Variants in ARRB1 observed in about 807,000 individuals in gnomAD.
ARRB1 encodes the protein arrestin beta 1.
Under a neutral mutation model 56.8 loss-of-function variants are expected in ARRB1, and 21 were observed. That is an observed-to-expected ratio of 0.37 (90% CI 0.26 to 0.53). The LOEUF (loss-of-function observed/expected upper bound fraction) is 0.53. Ranked by LOEUF, ARRB1 falls within the 20% of genes least tolerant of loss-of-function variation. The pLI is 0.88. For synonymous variants in ARRB1, 210 were observed against 218.6 expected, an observed-to-expected ratio of 0.96 and a Z score of 0.35; for missense variants, 424 against 553.7, an observed-to-expected ratio of 0.77 and a Z score of 2.35.
At chr11:75,337,031 T>C (rs1259331409) in intron 1 of ARRB1, among the ~76,000 whole-genome samples, 2 of 152,256 alleles carry the variant, frequency 1.3e-5, no homozygotes, top group Non-Finnish European at 2.9e-5. Context: ...GTAGCTCCAG[T>C]GTCTGGCATG....
intron 1 of ARRB1, among the ~76,000 whole-genome samples, chr11:75,298,404 A>G (rs1946814642): frequency 6.6e-6 from 1 of 152,208 alleles, no homozygotes. Flanking sequence ...TTGAATAGGC[A>G]TTTGTCCAAA....
intron 1 of ARRB1, among the ~76,000 whole-genome samples, chr11:75,347,575 G>A (rs952790239): frequency 6.6e-6 from 1 of 152,224 alleles, no homozygotes; most frequent in Non-Finnish European, 1.5e-5. Context: ...GGGAGCTGCT[G>A]GGGAGGCCAA....
chr11:75,329,936 G>A (rs1490413421), intron 1 of ARRB1, among the ~76,000 whole-genome samples: 1 of 151,918 alleles, frequency 6.6e-6, no homozygotes, highest in African/African-American at 2.4e-5. Context: ...GGAGTTCGAG[G>A]CTGCAGTGAG....
chr11:75,290,386 C>T (rs1946580059), intron 1 of ARRB1, among the ~76,000 whole-genome samples: 2 of 152,296 alleles, frequency 1.3e-5, no homozygotes, highest in Middle Eastern at 3.4e-3. Flanking sequence ...CCCGGTGTCA[C>T]CTCCTACTAC....
intron 3 of ARRB1, among the ~76,000 whole-genome samples, chr11:75,286,880 G>C (rs1484665566): frequency 1.3e-5 from 2 of 152,132 alleles, no homozygotes; most frequent in Admixed American, 6.5e-5. Flanking sequence ...GCAGAACAAA[G>C]AGTTTTGCAG....
At chr11:75,348,346 C>T (rs1003391506) in intron 1 of ARRB1, among the ~76,000 whole-genome samples, 1 of 152,142 alleles carries the variant, frequency 6.6e-6, no homozygotes, top group African/African-American at 2.4e-5. Context: ...CTTCCTGTAC[C>T]ATGCTCCCTG....
chr11:75,315,404 T>C (rs534298053), intron 1 of ARRB1, among the ~76,000 whole-genome samples: 1 of 152,184 alleles, frequency 6.6e-6, no homozygotes, highest in South Asian at 2.1e-4. Flanking sequence ...CTGCTTGCTC[T>C]AATCCCAGCA....
At chr11:75,323,638 A>C (rs999534367) in intron 1 of ARRB1, among the ~76,000 whole-genome samples, 1 of 152,124 alleles carries the variant, frequency 6.6e-6, no homozygotes, top group Non-Finnish European at 1.5e-5. Flanking sequence ...AAAAGAAAAA[A>C]ATAAGTGTAC....
intron 1 of ARRB1, chr11:75,312,155 C>T (rs1947176917): frequency 1.6e-6 from 2 of 1,288,956 alleles, no homozygotes; most frequent in African/African-American, 1.5e-5. Flanking sequence ...CCTTCCTCCA[C>T]CCTCGCCCTC....
intron 1 of ARRB1, chr11:75,311,936 G>A (rs1403374442): frequency 1.2e-6 from 1 of 854,516 alleles, no homozygotes; most frequent in Non-Finnish European, 1.6e-6. Context: ...TGGCTGAGAG[G>A]GGACGGCCGG....
chr11:75,269,968 CTTG>C (rs2140399433), intron 13 of ARRB1, among the ~76,000 whole-genome samples: 2 of 152,348 alleles, frequency 1.3e-5, no homozygotes, highest in South Asian at 4.1e-4. Flanking sequence ...TCCCACTGAT[CTTG>C]TTGTCCAGAG....
intron 2 of ARRB1, among the ~76,000 whole-genome samples, chr11:75,287,582 C>T (rs1946511516): frequency 6.6e-6 from 1 of 152,226 alleles, no homozygotes; most frequent in Non-Finnish European, 1.5e-5. Context: ...CCACTTCCTC[C>T]CAAAACCCTT....
chr11:75,303,976 C>G (rs1349052061), intron 1 of ARRB1, among the ~76,000 whole-genome samples: 2 of 152,096 alleles, frequency 1.3e-5, no homozygotes, highest in Non-Finnish European at 2.9e-5. Context: ...AAGAGCCAAG[C>G]CCTGAGCTTG....
In ARRB1 at chr11:75,260,196, A is replaced by G. The variant is rs1040765905; in HGVS notation, c.*5967T>C. 2 of 152,250 alleles carry G rather than the reference A, an allele frequency of 1.3e-5. No individual in the cohort carries two copies. Among genetic ancestry groups the G allele is most frequent in the African/African-American group, 4.8e-5 (2 of 41,456 alleles). The allele number at this position is 152,250 out of a possible 1,614,324, so 9.4% of individuals were successfully genotyped here. On this transcript the variant is annotated 3_prime_UTR_variant, in exon 16 of 16. Transcript: ENST00000420843. Reference sequence around the variant, plus strand: ...TTCATTTGTTAGAGTTGAATGAACTATAATAACTTGTCTGACATAATAAGA... The same window carrying G: ...TTCATTTGTTAGAGTTGAATGAACTGTAATAACTTGTCTGACATAATAAGA...
intron 1 of ARRB1, among the ~76,000 whole-genome samples, chr11:75,332,383 G>A (rs376214014): frequency 2.0e-5 from 3 of 152,072 alleles, no homozygotes; most frequent in African/African-American, 7.2e-5. Flanking sequence ...CTTTTTCTTC[G>A]AGGCCCTCCC....
At chr11:75,275,502 A>G (rs1444850636) in intron 10 of ARRB1, among the ~76,000 whole-genome samples, 1 of 152,204 alleles carries the variant, frequency 6.6e-6, no homozygotes, top group African/African-American at 2.4e-5. Context: ...AAATGAAGCT[A>G]TTTGGGCACC....
chr11:75,268,987 C>T lies in ARRB1; in HGVS notation c.1023-28G>A, dbSNP rs200534174. 59 of 1,602,556 alleles carry T rather than the reference C, an allele frequency of 3.7e-5. No homozygotes were observed. In the African/African-American group the frequency reaches 6.5e-4, roughly 18 times the overall value. ...GAAACAGAGACCCAGACCCAGTGAG[C>T]CTTGAGCGGACTCACAGGCTGTGAG... On this transcript the variant is annotated intron_variant, in intron 13 of 15. Transcript: ENST00000420843.
intron 1 of ARRB1, among the ~76,000 whole-genome samples, chr11:75,314,029 T>C (rs1327958957): frequency 6.6e-6 from 1 of 152,184 alleles, no homozygotes; most frequent in Non-Finnish European, 1.5e-5. Context: ...CTGTCCAGCC[T>C]CCAGCCTCCC....
chr11:75,276,485 GC>G (rs1315562564), intron 10 of ARRB1, among the ~76,000 whole-genome samples: 2 of 152,116 alleles, frequency 1.3e-5, no homozygotes, highest in Middle Eastern at 3.2e-3. Context: ...TACCCACTTT[GC>G]CCTGGCTACC....
Sources: allele counts gnomAD v4.1 joint callset (sites outside exome capture counted in the v4.1 genomes callset), GRCh38; gene constraint gnomAD v4.1.1; transcripts MANE v1.5; gene names NCBI Gene and HGNC (gene_info 2026-07-23, HGNC 2026-07-21).